Variants in EPB41L5 observed in about 807,000 individuals in gnomAD.
EPB41L5 encodes the protein band 4.1-like protein 5.
EPB41L5 carries 55 observed loss-of-function variants against 106.6 expected under a neutral mutation model. That is an observed-to-expected ratio of 0.52 (90% CI 0.42 to 0.65). The LOEUF (loss-of-function observed/expected upper bound fraction) is 0.65. Ranked by LOEUF, EPB41L5 falls within the 30% of genes least tolerant of loss-of-function variation. The pLI is 0.00. For synonymous variants in EPB41L5, 297 were observed against 306.7 expected, an observed-to-expected ratio of 0.97 and a Z score of 0.33; for missense variants, 871 against 882.1, an observed-to-expected ratio of 0.99 and a Z score of 0.16.
At chr2:120,168,039 A>G in intron 24 of EPB41L5, 32 bp downstream of exon 24, 3 of 1,611,498 alleles carry the variant, frequency 1.9e-6, no homozygotes, top group Non-Finnish European at 1.7e-6. Flanking sequence ...TGCAGTTCTT[A>G]GGCATCTGTT....
intron 24 of EPB41L5, among the ~76,000 whole-genome samples, chr2:120,169,897 C>T (rs761505341): frequency 1.3e-5 from 2 of 152,130 alleles, no homozygotes; most frequent in Non-Finnish European, 2.9e-5. Flanking sequence ...AAATGAAAGA[C>T]ACATAGTACC....
intron 16 of EPB41L5, among the ~76,000 whole-genome samples, chr2:120,126,770 C>G (rs1685474738): frequency 6.6e-6 from 1 of 152,082 alleles, no homozygotes; most frequent in African/African-American, 2.4e-5. Context: ...GCTGCTTTGG[C>G]TTTCATAAAT....
intron 17 of EPB41L5, among the ~76,000 whole-genome samples, chr2:120,128,867 T>G (rs1392135924): frequency 3.3e-5 from 5 of 152,208 alleles, no homozygotes; most frequent in South Asian, 2.1e-4. Flanking sequence ...CCCATTACTA[T>G]TTCTCATGTA....
chr2:120,104,002 C>G (rs1160637473), intron 16 of EPB41L5: 5 of 1,452,000 alleles, frequency 3.4e-6, no homozygotes, highest in Non-Finnish European at 4.5e-6. Context: ...CTTACACATC[C>G]ATTTTCTCCT....
intron 16 of EPB41L5, chr2:120,104,230 C>G: frequency 6.5e-7 from 1 of 1,535,574 alleles, no homozygotes; most frequent in African/African-American, 1.4e-5. Context: ...ACAGCCATGA[C>G]TGAGATATGA....
intron 14 of EPB41L5, among the ~76,000 whole-genome samples, chr2:120,097,586 G>C (rs974955685): frequency 1.4e-4 from 21 of 152,154 alleles, no homozygotes; most frequent in African/African-American, 5.1e-4. Flanking sequence ...TTAAAGGATA[G>C]TTGACATTTC....
chr2:120,060,291 C>A (rs1680946442), intron 3 of EPB41L5, among the ~76,000 whole-genome samples: 1 of 152,190 alleles, frequency 6.6e-6, no homozygotes, highest in Admixed American at 6.5e-5. Context: ...TGAAGACTTA[C>A]TTCCACACAA....
At chr2:120,111,017 A>C (rs1684708181) in intron 16 of EPB41L5, among the ~76,000 whole-genome samples, 1 of 152,110 alleles carries the variant, frequency 6.6e-6, no homozygotes, top group Non-Finnish European at 1.5e-5. Context: ...TGTTTCACAA[A>C]ACCTAAGAAA....
At chr2:120,155,077 T>G (rs550366584) in intron 20 of EPB41L5, among the ~76,000 whole-genome samples, 140 of 152,384 alleles carry the variant, frequency 9.2e-4, no homozygotes, top group African/African-American at 3.2e-3. Flanking sequence ...ACCTGTTTAA[T>G]TACCTTTACC....
intron 5 of EPB41L5, among the ~76,000 whole-genome samples, chr2:120,074,824 T>C (rs968530923): frequency 1.3e-5 from 2 of 152,176 alleles, no homozygotes; most frequent in East Asian, 1.9e-4. Flanking sequence ...GTTATATCCA[T>C]GTCTGTATCC....
rs922058339 is a variant in EPB41L5 at position 120,177,931 on chromosome 2, C to G, written c.*3024C>G. On this transcript the variant is annotated 3_prime_UTR_variant, in exon 25 of 25. Transcript: ENST00000263713. ...TGCACCTCTTCTTCTCTTAGCTAAGCCCCAAAATGAAGATTTCCTTCAGAA... is the reference window on the plus strand; with the variant it reads ...TGCACCTCTTCTTCTCTTAGCTAAGGCCCAAAATGAAGATTTCCTTCAGAA... 1 of 152,162 alleles carries G rather than the reference C, an allele frequency of 6.6e-6. No individual in the cohort carries two copies. Among genetic ancestry groups the G allele is most frequent in the African/African-American group, 2.4e-5 (1 of 41,418 alleles). The allele number at this position is 152,162 out of a possible 1,614,324, so 9.4% of individuals were successfully genotyped here.
chr2:120,160,776 C>T, intron 20 of EPB41L5, 105 bp from the exon 21 acceptor site: 1 of 735,658 alleles, frequency 1.4e-6, no homozygotes, highest in Admixed American at 2.2e-5. Flanking sequence ...CATATACCTT[C>T]CCCTACATGA....
intron 2 of EPB41L5, among the ~76,000 whole-genome samples, chr2:120,028,620 T>TA (rs1678497455): frequency 6.6e-6 from 1 of 152,096 alleles, no homozygotes; most frequent in African/African-American, 2.4e-5. Context: ...GCTACGGTAA[T>TA]ACAGATACAA....
At position 120,118,488 on chromosome 2, in the gene EPB41L5, A is replaced by G. The variant is rs1040352500; in HGVS notation, c.1338-9200A>G. On this transcript the variant is annotated intron_variant, in intron 16 of 24. Transcript: ENST00000263713. ...GGTATTAAGCCAGCATCCATTAGCT[A>G]TTCTTCCTGATGCTTTCCCTCCCCC... 6.6e-5 allele frequency among the ~76,000 whole-genome samples: 10 copies of G among 152,050 alleles called. No individual in the cohort carries two copies. In the East Asian group the frequency reaches 1.5e-3, roughly 23 times the overall value.
At chr2:120,054,450 C>T (rs1384300075) in intron 3 of EPB41L5, among the ~76,000 whole-genome samples, 5 of 151,730 alleles carry the variant, frequency 3.3e-5, no homozygotes, top group Non-Finnish European at 5.9e-5. Flanking sequence ...ATCTATCAAA[C>T]GATTGCCTAT....
intron 24 of EPB41L5, among the ~76,000 whole-genome samples, chr2:120,171,170 GC>G (rs1687655682): frequency 6.6e-6 from 1 of 152,170 alleles, no homozygotes; most frequent in Non-Finnish European, 1.5e-5. Context: ...GTTTTGGGAA[GC>G]AGCTAAATGA....
At chr2:120,049,994 C>T (rs949142063) in intron 3 of EPB41L5, among the ~76,000 whole-genome samples, 2 of 152,170 alleles carry the variant, frequency 1.3e-5, no homozygotes, top group African/African-American at 2.4e-5. Flanking sequence ...TATTGGCCCC[C>T]ACTGTCTTCT....
At chr2:120,024,832 C>T (rs1678200319) in intron 2 of EPB41L5, among the ~76,000 whole-genome samples, 1 of 152,184 alleles carries the variant, frequency 6.6e-6, no homozygotes, top group African/African-American at 2.4e-5. Flanking sequence ...GTTGAACCAG[C>T]CTTGCATCCC....
chr2:120,088,722 G>A (rs1392180463), intron 11 of EPB41L5, among the ~76,000 whole-genome samples: 1 of 96,924 alleles, frequency 1.0e-5, no homozygotes, highest in Non-Finnish European at 2.7e-5. Flanking sequence ...AATGTTATTG[G>A]TGTTTTTTTT....
Sources: allele counts gnomAD v4.1 joint callset (sites outside exome capture counted in the v4.1 genomes callset), GRCh38; gene constraint gnomAD v4.1.1; transcripts MANE v1.5; gene names NCBI Gene and HGNC (gene_info 2026-07-23, HGNC 2026-07-21).